TENM2: variants seen among roughly 807,000 people sequenced by gnomAD.
The protein encoded by TENM2 is teneurin transmembrane protein 2.
TENM2 carries 52 observed loss-of-function variants against 245.2 expected under a neutral mutation model. The observed-to-expected ratio is 0.21, with a 90% confidence interval of 0.17 to 0.27. The LOEUF (loss-of-function observed/expected upper bound fraction) is 0.27, where lower values mean the gene tolerates loss of function less well. TENM2 is among the 10% of genes least tolerant of loss of function. The pLI is 1.00. For missense variants in TENM2, 3,046 were observed against 3,666.8 expected (o/e 0.83, Z 4.37); for synonymous variants, 1,363 against 1,438.9 (o/e 0.95, Z 1.19).
At position 167,971,513 on chromosome 5, in the gene TENM2, G is replaced by A. The variant is rs538561796; in HGVS notation, c.947+18691G>A. Among the ~76,000 whole-genome samples, 12 of 152,100 alleles carry A rather than the reference G, an allele frequency of 7.9e-5. No individual in the cohort carries two copies. The South Asian group carries it at 2.1e-3, about 26-fold the overall frequency. ...GTCAGGAGTTCAAGACCAGCCTGAC[G>A]AACATGGTGAAACTTCGTGTCTATT... On this transcript the variant is annotated intron_variant, in intron 4 of 28. Transcript: ENST00000518659.
At chr5:167,625,489 A>G (rs1033744634) in intron 2 of TENM2, among the ~76,000 whole-genome samples, 2 of 152,214 alleles carry the variant, frequency 1.3e-5, no homozygotes, top group Non-Finnish European at 2.9e-5. Flanking sequence ...ATGCTTATAA[A>G]TTATGAAATA....
At chr5:167,692,459 C>T (rs1757494817) in intron 2 of TENM2, among the ~76,000 whole-genome samples, 1 of 152,118 alleles carries the variant, frequency 6.6e-6, no homozygotes, top group Non-Finnish European at 1.5e-5. Context: ...ACATCTCAGG[C>T]ATTTTGGACA....
the TENM2 span, among the ~76,000 whole-genome samples, chr5:167,253,051 G>C: frequency 0.073 from 11,138 of 151,914 alleles, 595 homozygotes; most frequent in East Asian, 0.2. Flanking sequence ...TTGTGTTCTT[G>C]TTCTTGACTT....
chr5:167,009,158 G>A, the TENM2 span, among the ~76,000 whole-genome samples: 1 of 108,888 alleles, frequency 9.2e-6, no homozygotes, highest in Admixed American at 8.3e-5. Context: ...TGAATTATGT[G>A]TCATATCGTT....
chr5:167,722,874 A>G (rs1361911909), intron 2 of TENM2, among the ~76,000 whole-genome samples: 2 of 152,270 alleles, frequency 1.3e-5, no homozygotes, highest in Non-Finnish European at 2.9e-5. Flanking sequence ...TCTCCTAAAT[A>G]TCAGAAAATG....
chr5:167,370,071 G>A (rs1341837026), intron 1 of TENM2, among the ~76,000 whole-genome samples: 1 of 152,048 alleles, frequency 6.6e-6, no homozygotes, highest in Non-Finnish European at 1.5e-5. Context: ...GGCTGGGCGC[G>A]GTGGCTCACG....
chr5:167,305,052 C>T (rs1755588748), intron 1 of TENM2, among the ~76,000 whole-genome samples: 1 of 152,136 alleles, frequency 6.6e-6, no homozygotes, highest in South Asian at 2.1e-4. Flanking sequence ...CCCTTCCCTG[C>T]ACTATCCCTG....
intron 2 of TENM2, among the ~76,000 whole-genome samples, chr5:167,598,406 G>A (rs1436421747): frequency 6.6e-6 from 1 of 152,142 alleles, no homozygotes; most frequent in Non-Finnish European, 1.5e-5. Context: ...GTGATCTCCA[G>A]CTCTCCTGAA....
intron 2 of TENM2, among the ~76,000 whole-genome samples, chr5:167,853,297 A>AAAAAAAAAAAAAAAAAAAAAG (rs1561856624): frequency 8.8e-4 from 124 of 141,528 alleles, no homozygotes; most frequent in African/African-American, 3.2e-3. Context: ...CTCAAAAAAA[A>AAAAAAAAAAAAAAAAAAAAAG]AAAAAAAAAA....
intron 1 of TENM2, chr5:167,297,657 C>A (rs1016552663): frequency 4.6e-5 from 7 of 152,074 alleles, no homozygotes; most frequent in African/African-American, 1.7e-4. Context: ...GAAGAGACCA[C>A]CAAACAGGCT....
intron 2 of TENM2, among the ~76,000 whole-genome samples, chr5:167,863,483 A>G (rs1010359871): frequency 6.6e-6 from 1 of 151,496 alleles, no homozygotes; most frequent in Non-Finnish European, 1.5e-5. Flanking sequence ...ACACACACAC[A>G]CACACACAAA....
At chr5:168,058,248 G>T (rs1220077879) in intron 6 of TENM2, among the ~76,000 whole-genome samples, 1 of 152,142 alleles carries the variant, frequency 6.6e-6, no homozygotes, top group Non-Finnish European at 1.5e-5. Flanking sequence ...CATCACAGGG[G>T]TTTTGTTACA....
At chr5:167,497,172 C>T (rs78145448) in intron 2 of TENM2, among the ~76,000 whole-genome samples, 11 of 151,874 alleles carry the variant, frequency 7.2e-5, no homozygotes, top group African/African-American at 2.4e-4. Context: ...GAAGAAGATG[C>T]GTGAATTGCA....
Position 167,314,480 on chromosome 5 carries a change from T to G in TENM2, c.226+29417T>G, listed in dbSNP as rs181121187. Among the ~76,000 whole-genome samples, 114 of 152,246 alleles carry G rather than the reference T, an allele frequency of 7.5e-4. 1 individual carries two copies. In the Middle Eastern group the frequency reaches 0.014, roughly 18 times the overall value. On this transcript the variant is annotated intron_variant, in intron 1 of 28. Coordinates refer to ENST00000518659, the Ensembl canonical transcript of TENM2. ...TCAACGGATTTAGCAACATTCTAAT[T>G]AAAAATAGGGCATTAAAGAGAATTA...
chr5:167,449,852 G>A lies in TENM2; in HGVS notation c.502+74379G>A, dbSNP rs184352244. On this transcript the variant is annotated intron_variant, in intron 2 of 28. Coordinates refer to ENST00000518659, the Ensembl canonical transcript of TENM2. ...GCGTACCTTTAATCCCAGCTACTCAGGAGGCTGAGGCAGGAGAATCGCTTG... is the reference window on the plus strand; with the variant it reads ...GCGTACCTTTAATCCCAGCTACTCAAGAGGCTGAGGCAGGAGAATCGCTTG... Among the ~76,000 whole-genome samples the A allele has an allele frequency of 3.1e-3, 476 of 152,266 alleles. 6 individuals carry two copies. The highest frequency in any genetic ancestry group is 0.011 in the African/African-American group (452 of 41,548).
the TENM2 span, among the ~76,000 whole-genome samples, chr5:167,241,252 G>A: frequency 6.6e-6 from 1 of 152,072 alleles, no homozygotes; most frequent in African/African-American, 2.4e-5. Context: ...GCATAGTCAG[G>A]CGGGTTAGAA....
intron 2 of TENM2, among the ~76,000 whole-genome samples, chr5:167,466,959 G>A (rs1766697910): frequency 1.3e-5 from 2 of 152,110 alleles, no homozygotes; most frequent in South Asian, 4.1e-4. Context: ...TATAATCAAG[G>A]CATGCAGCAT....
chr5:168,207,260 G>C (rs1378494022), intron 19 of TENM2, among the ~76,000 whole-genome samples: 1 of 152,134 alleles, frequency 6.6e-6, no homozygotes, highest in African/African-American at 2.4e-5. Context: ...CTCAAGATAG[G>C]TTGCTTAAAT....
At chr5:167,918,571 G>T (rs147308297) in intron 3 of TENM2, among the ~76,000 whole-genome samples, 2 of 152,312 alleles carry the variant, frequency 1.3e-5, no homozygotes, top group Non-Finnish European at 2.9e-5. Context: ...AATTAGGAAT[G>T]AATTCTCAGA....
Sources: gnomAD v4.1 joint callset for allele counts (sites outside exome capture counted in the v4.1 genomes callset) on GRCh38, gnomAD v4.1.1 for gene constraint, MANE v1.5 for transcripts, NCBI Gene and HGNC (gene_info 2026-07-23, HGNC 2026-07-21) for gene names.